Variants in IL25 observed in about 807,000 individuals in gnomAD.
The protein encoded by IL25 is interleukin-25.
In IL25, 10 loss-of-function variants were observed where a neutral mutation model predicts 13.2. The ratio of observed to expected loss-of-function variants is 0.76; its 90% CI spans 0.47 to 1.29. The LOEUF (loss-of-function observed/expected upper bound fraction) is 1.29. Ranked by LOEUF, IL25 falls within the 50% of genes most tolerant of loss-of-function variation. The probability of loss-of-function intolerance (pLI) is 0.00; values close to 1 mark genes in which losing one functional copy is unlikely to be tolerated. For synonymous variants in IL25, 107 were observed against 92.1 expected (o/e 1.16, Z -0.93); for missense variants, 235 against 232.4 (o/e 1.01, Z -0.07).
chr14:23,373,875 G>A (rs1890476252), intron 1 of IL25, among the ~76,000 whole-genome samples: 1 of 152,132 alleles, frequency 6.6e-6, no homozygotes. Context: ...AACTTTTGGG[G>A]GCAGCTGGCT....
intron 1 of IL25, among the ~76,000 whole-genome samples, chr14:23,374,140 G>C (rs1442126809): frequency 6.6e-6 from 1 of 152,038 alleles, no homozygotes; most frequent in Non-Finnish European, 1.5e-5. Flanking sequence ...TCAGTGGTGG[G>C]GAGGGGGTCA....
intron 1 of IL25, among the ~76,000 whole-genome samples, chr14:23,373,967 A>C (rs1351494999): frequency 2.6e-5 from 4 of 152,222 alleles, no homozygotes; most frequent in Non-Finnish European, 5.9e-5. Context: ...TAAATATTAT[A>C]GTTCTCTATT....
rs1124053 is a variant in IL25, at chr14:23,375,770, C to T, written c.424C>T (p.Arg142Trp). Residue 142 changes from arginine (R) to tryptophan (W), a missense_variant, in exon 2 of 2, where the codon CGG becomes TGG. Physicochemically the swap from Arg to Trp is moderately radical, Grantham distance 101 (BLOSUM62 -3). Coordinates refer to ENST00000329715, the Ensembl canonical transcript of IL25. ...CTACCACAACCAGACTGTCTTCTAC[C>T]GGCGGCCATGCCATGGCGAGAAGGG... 0.01 allele frequency: 16,191 copies of T among 1,614,086 alleles called. 103 individuals carry two copies. Among genetic ancestry groups the T allele is most frequent in the Non-Finnish European group, 0.012 (14,341 of 1,180,004 alleles).
exon 2 of IL25, chr14:23,375,935 C>T: frequency 6.3e-7 from 1 of 1,587,488 alleles, no homozygotes; most frequent in Non-Finnish European, 8.6e-7. Context: ...AGGTGTACAA[C>T]CACTTGCCAT....
chr14:23,375,139 G>A (rs1890507156), intron 1 of IL25, among the ~76,000 whole-genome samples: 1 of 152,056 alleles, frequency 6.6e-6, no homozygotes, highest in Admixed American at 6.6e-5. Flanking sequence ...AATTAGCTGG[G>A]TATGGTGGCG....
At chr14:23,373,960 ATAT>A (rs1246079610) in intron 1 of IL25, among the ~76,000 whole-genome samples, 4 of 152,218 alleles carry the variant, frequency 2.6e-5, no homozygotes, top group Non-Finnish European at 5.9e-5. Flanking sequence ...TGCCACATAA[ATAT>A]TATAGTTCTC....
chr14:23,373,496 C>CA (rs1890469071), intron 1 of IL25, 100 bp downstream of exon 2: 3 of 1,037,330 alleles, frequency 2.9e-6, no homozygotes, highest in Non-Finnish European at 4.1e-6. Context: ...ATTTTGATCT[C>CA]AGAGGGGCTG....
intron 1 of IL25, among the ~76,000 whole-genome samples, chr14:23,373,997 T>C (rs1246653848): frequency 6.6e-6 from 1 of 152,132 alleles, no homozygotes; most frequent in Non-Finnish European, 1.5e-5. Flanking sequence ...ATATGAAAAA[T>C]ATTAGGAAGT....
intron 1 of IL25, among the ~76,000 whole-genome samples, 164 bp downstream of exon 2, chr14:23,373,560 A>T (rs1890470433): frequency 6.6e-6 from 1 of 150,780 alleles, no homozygotes; most frequent in Admixed American, 6.6e-5. Context: ...TCTGACTCTC[A>T]TTGGATGATC....
exon 1 of IL25, chr14:23,373,039 G>T: frequency 6.2e-7 from 1 of 1,614,124 alleles, no homozygotes; most frequent in East Asian, 2.2e-5. Context: ...GCTGCTGAGG[G>T]TGGAGGGAGG....
intron 1 of IL25, 78 bp downstream of exon 2, chr14:23,373,474 G>A (rs1002294130): frequency 2.7e-5 from 35 of 1,291,544 alleles, no homozygotes; most frequent in Non-Finnish European, 3.5e-5. Context: ...GGCAATTCCA[G>A]CTTACTTTCC....
rs1322840136 is a variant in IL25 at position 23,373,403 on chromosome 14, C to T, written c.278+7C>T. ...TCTCCCCCTGGAGATATGAGTGAGT[C>T]TGCTGCCCCTCCCGAATGCCTGCCC... On this transcript the variant is annotated splice_region_variant and intron_variant, in intron 1 of 1. Coordinates refer to ENST00000329715, the Ensembl canonical transcript of IL25. 1 of 1,600,500 alleles carries T rather than the reference C, an allele frequency of 6.2e-7. No individual in the cohort carries two copies. The highest frequency in any genetic ancestry group is 1.7e-5 in the Admixed American group (1 of 59,762).
chr14:23,374,714 C>CTTT (rs886516413), intron 1 of IL25, among the ~76,000 whole-genome samples: 3 of 123,224 alleles, frequency 2.4e-5, no homozygotes, highest in South Asian at 4.7e-4. Flanking sequence ...TGTTTTTCAT[C>CTTT]TTTCTTTCTT....
At chr14:23,376,037 C>A in exon 2 of IL25, 1 of 892,340 alleles carries the variant, frequency 1.1e-6, no homozygotes, top group Non-Finnish European at 1.7e-6. Flanking sequence ...TGGGGAAAGC[C>A]TGCACTTCTG....
exon 2 of IL25, chr14:23,376,084 C>T (rs573210714): frequency 6.2e-5 from 40 of 646,204 alleles, no homozygotes; most frequent in Middle Eastern, 4.2e-4. Context: ...TTAGGGCCGC[C>T]GGAAGCTGGT....
At chr14:23,375,992 G>A in exon 2 of IL25, 1 of 1,381,976 alleles carries the variant, frequency 7.2e-7, no homozygotes, top group Non-Finnish European at 9.9e-7. Flanking sequence ...AGTGCTGTCT[G>A]GAGCAGCAGG....
intron 1 of IL25, among the ~76,000 whole-genome samples, chr14:23,373,903 G>A (rs909912018): frequency 2.0e-5 from 3 of 152,160 alleles, no homozygotes; most frequent in African/African-American, 7.2e-5. Context: ...GCTGTGGACT[G>A]GATATCTTTG....
exon 2 of IL25, chr14:23,376,149 C>T: frequency 2.0e-6 from 1 of 488,930 alleles, no homozygotes; most frequent in East Asian, 3.6e-5. Context: ...TTTCTGGAGG[C>T]CACCACTCCT....
exon 2 of IL25, chr14:23,375,971 G>A: frequency 6.5e-7 from 1 of 1,532,652 alleles, no homozygotes; most frequent in Non-Finnish European, 8.9e-7. Context: ...CCAGATGCTT[G>A]GCCCCTGTGA....
Sources: gnomAD v4.1 joint callset for allele counts (sites outside exome capture counted in the v4.1 genomes callset) on GRCh38, gnomAD v4.1.1 for gene constraint, MANE v1.5 for transcripts, NCBI Gene and HGNC (gene_info 2026-07-23, HGNC 2026-07-21) for gene names.